The following RNF14 variants were observed in gnomAD, a reference collection of about 807,000 sequenced individuals.
RNF14 encodes the protein E3 ubiquitin-protein ligase RNF14.
In RNF14, 26 loss-of-function variants were observed where a neutral mutation model predicts 52.6. The ratio of observed to expected loss-of-function variants is 0.49; its 90% CI spans 0.36 to 0.69. RNF14 has a LOEUF of 0.69. RNF14 is among the 30% of genes least tolerant of loss of function. The pLI is 0.00. For synonymous variants in RNF14, 194 were observed against 202.0 expected, an observed-to-expected ratio of 0.96 and a Z score of 0.34; for missense variants, 404 against 560.4, an observed-to-expected ratio of 0.72 and a Z score of 2.82.
At chr5:141,958,293 A>T (rs1463644809), upstream of RNF14, 1 of 163,778 alleles carries the variant, frequency 6.1e-6, no homozygotes, top group African/African-American at 2.4e-5. Flanking sequence ...TTAGAGAAAG[A>T]GCATTTCCTG....
Position 141,984,904 on chromosome 5 carries a change from C to T in RNF14, c.1338C>T (p.Phe446=). Residue 446 remains phenylalanine, a synonymous_variant, in exon 8 of 9, where the codon TTC becomes TTT. Transcript: ENST00000394520. Reference sequence around the variant, plus strand: ...CTAGAGCAAACCCTTACAAACATTTCAATGACCCTGGTTCACCATGTTTTA... The same window carrying T: ...CTAGAGCAAACCCTTACAAACATTTTAATGACCCTGGTTCACCATGTTTTA... ...SLSRANPYKH[F]NDPGSPCFNR... The T allele has an allele frequency of 1.2e-6, 2 of 1,613,912 alleles. No homozygotes were observed. The highest frequency in any genetic ancestry group is 1.7e-4 in the Middle Eastern group (1 of 6,058).
the RNF14 span, among the ~76,000 whole-genome samples, chr5:141,951,778 C>G: frequency 4.7e-4 from 71 of 152,386 alleles, 1 homozygote; most frequent in South Asian, 0.013. Flanking sequence ...GTCCCCTGCT[C>G]TGTCATGTCA....
chr5:141,969,987 A>G (rs1753598677), intron 1 of RNF14, among the ~76,000 whole-genome samples: 1 of 152,232 alleles, frequency 6.6e-6, no homozygotes, highest in South Asian at 2.1e-4. Flanking sequence ...GAAAGGACCT[A>G]ATACAGTACA....
chr5:141,983,958 C>T (rs1755008150), intron 7 of RNF14, among the ~76,000 whole-genome samples: 1 of 145,752 alleles, frequency 6.9e-6, no homozygotes, highest in Admixed American at 6.7e-5. Context: ...AATAATTAGA[C>T]AGATATATTG....
chr5:141,970,138 C>A (rs552304480), intron 1 of RNF14, among the ~76,000 whole-genome samples: 47 of 152,292 alleles, frequency 3.1e-4, no homozygotes, highest in African/African-American at 1.1e-3. Flanking sequence ...TGATAGGATT[C>A]TCCGTAGCCC....
intron 2 of RNF14, among the ~76,000 whole-genome samples, chr5:141,972,937 A>G (rs898645088): frequency 6.6e-6 from 1 of 152,150 alleles, no homozygotes; most frequent in Non-Finnish European, 1.5e-5. Context: ...ACTTTTGCGA[A>G]CCAGGCACAT....
the RNF14 span, among the ~76,000 whole-genome samples, chr5:141,952,054 T>A: frequency 6.6e-6 from 1 of 152,270 alleles, no homozygotes; most frequent in African/African-American, 2.4e-5. Flanking sequence ...CATTGAATTA[T>A]TCATTTATTC....
chr5:141,969,083 C>T (rs1436504155), upstream of RNF14: 4 of 152,334 alleles, frequency 2.6e-5, no homozygotes, highest in African/African-American at 7.2e-5. Context: ...GCGGGATCCG[C>T]CTGGCTCAGC....
upstream of RNF14, chr5:141,956,888 C>T (rs1260044725): frequency 1.2e-6 from 2 of 1,614,108 alleles, no homozygotes; most frequent in African/African-American, 2.7e-5. Context: ...CTTGCCTGAA[C>T]ATCCACCTCG....
intron 1 of RNF14, among the ~76,000 whole-genome samples, chr5:141,960,852 G>C (rs1753269263): frequency 6.6e-6 from 1 of 152,202 alleles, no homozygotes; most frequent in Admixed American, 6.5e-5. Flanking sequence ...GAGCCTAGTT[G>C]AGAGTAATGC....
upstream of RNF14, among the ~76,000 whole-genome samples, chr5:141,962,240 A>G (rs983642393): frequency 6.6e-6 from 1 of 152,234 alleles, no homozygotes; most frequent in Non-Finnish European, 1.5e-5. Flanking sequence ...GGGTCAGTGC[A>G]GAAAAAAGAA....
At chr5:141,976,833 G>T (rs1462830616) in intron 4 of RNF14, among the ~76,000 whole-genome samples, 1 of 146,658 alleles carries the variant, frequency 6.8e-6, no homozygotes. Flanking sequence ...CTGTCACCCA[G>T]GCTGGAGCAC....
At chr5:141,951,154 G>A in the RNF14 span, among the ~76,000 whole-genome samples, 5 of 152,226 alleles carry the variant, frequency 3.3e-5, no homozygotes, top group African/African-American at 7.2e-5. Context: ...AAGAGAAAGA[G>A]AGGTGACAGT....
chr5:141,961,535 G>A (rs927555284), intron 1 of RNF14, among the ~76,000 whole-genome samples: 15 of 152,290 alleles, frequency 9.8e-5, no homozygotes, highest in South Asian at 2.1e-4. Flanking sequence ...GAAAGGCGAC[G>A]TTTTCCTGAG....
chr5:141,957,719 C>G, upstream of RNF14: 1 of 1,614,140 alleles, frequency 6.2e-7, no homozygotes, highest in Non-Finnish European at 8.5e-7. This position sits in a 1 kb window ranked among gnomAD's most constrained non-coding sequence, Gnocchi z 4.3. Flanking sequence ...TTCCCGATCA[C>G]TGTACCAGAT....
At chr5:141,981,592 A>T (rs1348166028) in intron 6 of RNF14, 2 of 152,166 alleles carry the variant, frequency 1.3e-5, no homozygotes, top group Non-Finnish European at 2.9e-5. Context: ...GGCTGGGCAT[A>T]GTGGCTCACC....
At position 141,980,181 on chromosome 5, in the gene RNF14, C is replaced by A. The variant is rs780038226; in HGVS notation, c.893C>A (p.Ser298Tyr). ...CGTTATGACCGCCTTCTCCTCCAGT[C>A]CTCCTTGGACCTGATGGCAGATGTG... ...FARYDRLLLQ[S>Y]SLDLMADVVY... Residue 298 changes from serine (S) to tyrosine (Y), a missense_variant, in exon 6 of 9, where the codon TCC becomes TAC. Transcript: ENST00000394520. 1 of 1,614,240 alleles carries A rather than the reference C, an allele frequency of 6.2e-7. No individual in the cohort carries two copies. The highest frequency in any genetic ancestry group is 8.5e-7 in the Non-Finnish European group (1 of 1,180,048).
chr5:141,976,966 T>G (rs572456782), intron 4 of RNF14, among the ~76,000 whole-genome samples: 2 of 152,146 alleles, frequency 1.3e-5, no homozygotes, highest in African/African-American at 4.8e-5. Flanking sequence ...TTTTTTGTAT[T>G]TTTTAGTAGA....
chr5:141,951,487 G>A, the RNF14 span: 2 of 1,612,518 alleles, frequency 1.2e-6, no homozygotes. Flanking sequence ...GCTACGTGCT[G>A]CTTACCTGCT....
Sources: allele counts gnomAD v4.1 joint callset (sites outside exome capture counted in the v4.1 genomes callset), GRCh38; gene constraint gnomAD v4.1.1; non-coding constraint Gnocchi (gnomAD v3.1); transcripts MANE v1.5; gene names NCBI Gene and HGNC (gene_info 2026-07-23, HGNC 2026-07-21).